Variants in CSGALNACT2 observed in about 807,000 individuals in gnomAD.
CSGALNACT2 encodes chondroitin sulfate N-acetylgalactosaminyltransferase 2.
CSGALNACT2 carries 35 observed loss-of-function variants against 55.3 expected under a neutral mutation model. The ratio of observed to expected loss-of-function variants is 0.63; its 90% CI spans 0.48 to 0.84. The LOEUF is 0.84. Among genes scored for constraint, CSGALNACT2 ranks in the 40% least tolerant of loss-of-function variants. The pLI, the probability that CSGALNACT2 is intolerant of heterozygous loss-of-function variation, is 0.00. For missense variants in CSGALNACT2, 544 were observed against 657.5 expected (o/e 0.83, Z 1.89); for synonymous variants, 196 against 224.9 (o/e 0.87, Z 1.15).
intron 1 of CSGALNACT2, among the ~76,000 whole-genome samples, chr10:43,141,950 A>T (rs1838636811): frequency 6.6e-6 from 1 of 152,166 alleles, no homozygotes; most frequent in African/African-American, 2.4e-5. Context: ...TTATGGAAAG[A>T]TGTGTTAGGT....
chr10:43,157,333 C>A (rs1839036253), intron 2 of CSGALNACT2, among the ~76,000 whole-genome samples: 1 of 151,930 alleles, frequency 6.6e-6, no homozygotes, highest in Non-Finnish European at 1.5e-5. Context: ...TCTGATACTT[C>A]AGGATTTTTC....
chr10:43,163,737 C>G, intron 4 of CSGALNACT2, 129 bp from the exon 5 acceptor site: 2 of 1,356,434 alleles, frequency 1.5e-6, no homozygotes, highest in Non-Finnish European at 1.9e-6. Flanking sequence ...TTTTCTTTCC[C>G]TTTGTGAATG....
intron 7 of CSGALNACT2, 110 bp downstream of exon 7, chr10:43,176,142 A>T (rs1447771308): frequency 3.9e-6 from 3 of 761,772 alleles, no homozygotes. Flanking sequence ...TGAGTGTCTA[A>T]GGTTAGCTAA....
chr10:43,143,903 A>C (rs1838686871), intron 1 of CSGALNACT2, among the ~76,000 whole-genome samples: 1 of 152,224 alleles, frequency 6.6e-6, no homozygotes, highest in Admixed American at 6.5e-5. Context: ...CAGACCACTT[A>C]TTCAATAACA....
intron 6 of CSGALNACT2, among the ~76,000 whole-genome samples, chr10:43,172,505 T>C (rs1340262381): frequency 2.6e-5 from 4 of 152,228 alleles, no homozygotes; most frequent in African/African-American, 7.2e-5. Flanking sequence ...ACAGCTGTGC[T>C]GCAGTCGAGT....
At chr10:43,140,299 AACATG>A (rs1171877185) in intron 1 of CSGALNACT2, among the ~76,000 whole-genome samples, 2 of 152,240 alleles carry the variant, frequency 1.3e-5, no homozygotes, top group Non-Finnish European at 2.9e-5. Context: ...GAAAATTACC[AACATG>A]GAGTCATTAC....
chr10:43,144,591 T>A (rs1461276224), intron 1 of CSGALNACT2, among the ~76,000 whole-genome samples: 1 of 152,202 alleles, frequency 6.6e-6, no homozygotes, highest in Non-Finnish European at 1.5e-5. Context: ...GTTTTACAAA[T>A]GCCTTTTTGG....
At chr10:43,177,094 C>T (rs1332884020) in intron 7 of CSGALNACT2, among the ~76,000 whole-genome samples, 1 of 152,116 alleles carries the variant, frequency 6.6e-6, no homozygotes, top group Non-Finnish European at 1.5e-5. Context: ...ATCATTGTAA[C>T]ACTTGAATAA....
At position 43,159,305 on chromosome 10, in the gene CSGALNACT2, A is replaced by ATT. The variant is rs370203829; in HGVS notation, c.878+384_878+385dup. ...GTATCATGACTCTTTTTTTATTTTTATTTTTTTTTTTGAGACAGGGTCTCA... is the reference window on the plus strand; with the variant it reads ...GTATCATGACTCTTTTTTTATTTTTATTTTTTTTTTTTTGAGACAGGGTCTCA... On this transcript the variant is annotated intron_variant, in intron 3 of 7. Coordinates refer to ENST00000374466, the MANE Select transcript of CSGALNACT2 (RefSeq NM_018590.5). Among the ~76,000 whole-genome samples the ATT allele has an allele frequency of 2.7e-5, 4 of 147,976 alleles. No individual in the cohort carries two copies. In the South Asian group the frequency reaches 6.4e-4, roughly 24 times the overall value.
chr10:43,170,979 C>A (rs1439424319), intron 6 of CSGALNACT2, among the ~76,000 whole-genome samples: 1 of 152,078 alleles, frequency 6.6e-6, no homozygotes, highest in East Asian at 1.9e-4. Context: ...ACCATCATAG[C>A]CAAGAGGAGA....
At chr10:43,161,637 A>G (rs1275247233) in intron 4 of CSGALNACT2, among the ~76,000 whole-genome samples, 3 of 152,176 alleles carry the variant, frequency 2.0e-5, no homozygotes, top group Non-Finnish European at 4.4e-5. Context: ...TGATGTATAT[A>G]GACACAATTC....
At chr10:43,172,686 C>A (rs1839405340) in intron 6 of CSGALNACT2, among the ~76,000 whole-genome samples, 1 of 152,194 alleles carries the variant, frequency 6.6e-6, no homozygotes, top group Admixed American at 6.5e-5. Context: ...GACACTTAGA[C>A]CCTAACAGAT....
At chr10:43,145,902 T>A (rs1028638639) in intron 1 of CSGALNACT2, among the ~76,000 whole-genome samples, 2 of 152,210 alleles carry the variant, frequency 1.3e-5, no homozygotes, top group African/African-American at 4.8e-5. Context: ...CTTTCATTTC[T>A]TTTAGGTAAA....
rs549021335 is a variant in CSGALNACT2 at position 43,148,813 on chromosome 10, A to G, written c.-253-6084A>G. On this transcript the variant is annotated intron_variant, in intron 1 of 7. Coordinates refer to ENST00000374466, the MANE Select transcript of CSGALNACT2 (RefSeq NM_018590.5). ...CCTTAGGATTTTCTGCATACAGATC[A>G]TATCATCTGCAAATAAGGATAGTTT... 5.9e-5 allele frequency among the ~76,000 whole-genome samples: 9 copies of G among 152,296 alleles called. No individual in the cohort carries two copies. The South Asian group carries it at 1.7e-3, about 28-fold the overall frequency.
In CSGALNACT2 at chr10:43,158,919, T is replaced by C. The variant is rs767888995; in HGVS notation, c.866T>C (p.Met289Thr). ...AGAACTGAAGCATTTGTACAATTTA[T>C]GCAGAACTTCAGGTAACTGTCAGGG... ...AERTEAFVQF[M>T]QNFRDVCIHQ... The change falls in exon 3 of 8, where the codon ATG becomes ACG. Residue 289 changes from methionine (M) to threonine (T), a missense_variant. By Grantham distance (81) the Met-to-Thr change is moderately conservative (BLOSUM62 -1). This residue lies in a region of CSGALNACT2 where 374 missense variants were observed against 401.3 expected (regional missense o/e 0.93). Transcript: ENST00000374466. The C allele has an allele frequency of 2.1e-5, 34 of 1,600,698 alleles. No homozygotes were observed. The highest frequency in any genetic ancestry group is 2.7e-5 in the Non-Finnish European group (31 of 1,168,602).
chr10:43,163,281 T>C (rs1839191257), intron 4 of CSGALNACT2: 1 of 907,596 alleles, frequency 1.1e-6, no homozygotes, highest in South Asian at 5.1e-5. Flanking sequence ...GAACTCCTAC[T>C]CTATCAGGGG....
chr10:43,143,228 C>G (rs535984575), intron 1 of CSGALNACT2, among the ~76,000 whole-genome samples: 1 of 152,280 alleles, frequency 6.6e-6, no homozygotes, highest in African/African-American at 2.4e-5. Flanking sequence ...TAGGTACTAT[C>G]TACATCAGCA....
chr10:43,178,244 CAA>C (rs1839518240), intron 7 of CSGALNACT2, among the ~76,000 whole-genome samples: 1 of 152,192 alleles, frequency 6.6e-6, no homozygotes, highest in Non-Finnish European at 1.5e-5. Flanking sequence ...CATGGTCGAT[CAA>C]GTCCCTTATG....
Sources: allele counts gnomAD v4.1 joint callset (sites outside exome capture counted in the v4.1 genomes callset), GRCh38; gene constraint gnomAD v4.1.1; regional missense constraint gnomAD v4.1.1; transcripts MANE v1.5; gene names NCBI Gene and HGNC (gene_info 2026-07-23, HGNC 2026-07-21).